Variants in DEFB104B observed in about 807,000 individuals in gnomAD.
The protein encoded by DEFB104B is defensin beta 104B.
rs372274885 is a variant in DEFB104B, at chr8:7,472,836, GT to G, written c.58+2174del. Among the ~76,000 whole-genome samples the G allele has an allele frequency of 1.3e-4, 17 of 130,540 alleles. 1 individual carries two copies. Among genetic ancestry groups the G allele is most frequent in the African/African-American group, 5.2e-4 (16 of 31,056 alleles). 85.6% of individuals were successfully genotyped at this position (130,540 alleles called of 152,430 possible). ...AATCAATACGTGTAAGATTTGCTTT[GT>G]TTTTTTTGTTTGTTTGTTTGTTTGT... On this transcript the variant is annotated intron_variant, in intron 1 of 1. Transcript: ENST00000316169.
chr8:7,473,220 G>A (rs1003460471), intron 1 of DEFB104B, among the ~76,000 whole-genome samples: 1 of 54,716 alleles, frequency 1.8e-5, no homozygotes, highest in African/African-American at 3.7e-5. Context: ...GGGGGCCTGT[G>A]GGGGTGCAGT....
At chr8:7,473,932 G>T (rs1159004141) in intron 1 of DEFB104B, among the ~76,000 whole-genome samples, 1 of 140,834 alleles carries the variant, frequency 7.1e-6, no homozygotes, top group African/African-American at 2.6e-5. Flanking sequence ...TGGGATCAAA[G>T]GTTGAAGAAA....
At chr8:7,474,488 C>T (rs1284614512) in intron 1 of DEFB104B, among the ~76,000 whole-genome samples, 3 of 141,964 alleles carry the variant, frequency 2.1e-5, no homozygotes, top group Admixed American at 7.0e-5. Context: ...CAGTAAATTA[C>T]GTTCTTGCCT....
chr8:7,471,181 C>T (rs62639764), intron 1 of DEFB104B, among the ~76,000 whole-genome samples: 133,521 of 145,682 alleles, frequency 0.92, 60,785 homozygotes, highest in East Asian at 1. Context: ...TATATATATA[C>T]ACATATATAG....
intron 1 of DEFB104B, among the ~76,000 whole-genome samples, chr8:7,472,623 C>T (rs1399701842): frequency 7.9e-6 from 1 of 127,178 alleles, no homozygotes; most frequent in African/African-American, 3.2e-5. Flanking sequence ...AAGCAATTTT[C>T]CTCCTCTGCT....
At chr8:7,471,969 A>C (rs1477124261) in intron 1 of DEFB104B, among the ~76,000 whole-genome samples, 2 of 150,964 alleles carry the variant, frequency 1.3e-5, no homozygotes, top group Non-Finnish European at 2.9e-5. Context: ...TCCAGGATGT[A>C]GGTGAGGACT....
chr8:7,472,846 TTTGTTTG>T (rs1811001649), intron 1 of DEFB104B, among the ~76,000 whole-genome samples: 1 of 114,888 alleles, frequency 8.7e-6, no homozygotes, highest in African/African-American at 4.7e-5. Context: ...GTTTTTTTTG[TTTGTTTG>T]TTTGTTTGTT....
rs559431233 is a variant in DEFB104B, at chr8:7,474,186, T to G, written c.58+825A>C. On this transcript the variant is annotated intron_variant, in intron 1 of 1. Transcript: ENST00000316169. Reference sequence around the variant, plus strand: ...GCCCCATAAAATTGACTGAGCAGCTTGGAAGAGAAGATCCGATGGCTTCTA... The same window carrying G: ...GCCCCATAAAATTGACTGAGCAGCTGGGAAGAGAAGATCCGATGGCTTCTA... 9.8e-5 allele frequency among the ~76,000 whole-genome samples: 14 copies of G among 143,278 alleles called. 2 individuals are homozygous for G. In the South Asian group the frequency reaches 2.8e-3, roughly 29 times the overall value. The allele number at this position is 143,278 out of a possible 152,430, so 94.0% of individuals were successfully genotyped here. A position where few individuals can be genotyped will look rare whatever the true frequency, so the allele number is the denominator to read the frequency against.
chr8:7,471,130 A>G (rs1213097007), intron 1 of DEFB104B, among the ~76,000 whole-genome samples: 9 of 152,002 alleles, frequency 5.9e-5, no homozygotes. Context: ...TATATCACCT[A>G]TCGCAAGTTG....
chr8:7,472,893 G>A (rs1428377717), intron 1 of DEFB104B, among the ~76,000 whole-genome samples: 1 of 121,004 alleles, frequency 8.3e-6, no homozygotes, highest in Admixed American at 8.6e-5. Context: ...GTCTTGCTCT[G>A]TCGCCTAGGG....
intron 1 of DEFB104B, among the ~76,000 whole-genome samples, chr8:7,472,019 T>C (rs1332944661): frequency 6.6e-6 from 1 of 151,580 alleles, no homozygotes; most frequent in Non-Finnish European, 1.5e-5. Flanking sequence ...GATAGGATAT[T>C]GAAGGGGTTA....
chr8:7,470,821 G>A (rs1416232392), intron 1 of DEFB104B, among the ~76,000 whole-genome samples: 2 of 121,444 alleles, frequency 1.6e-5, no homozygotes, highest in Non-Finnish European at 3.4e-5. Context: ...CAAAGCAATC[G>A]TGATCTGATC....
At chr8:7,472,448 T>C (rs1362923863) in intron 1 of DEFB104B, among the ~76,000 whole-genome samples, 2 of 138,740 alleles carry the variant, frequency 1.4e-5, no homozygotes, top group Admixed American at 1.4e-4. Context: ...CAGCAACTTA[T>C]GTGTCAAAGC....
chr8:7,471,989 T>A (rs1810964387), intron 1 of DEFB104B, among the ~76,000 whole-genome samples: 1 of 151,274 alleles, frequency 6.6e-6, no homozygotes, highest in African/African-American at 2.5e-5. Flanking sequence ...TAAAAGGCAG[T>A]TTGACCAATT....
At chr8:7,472,266 T>C (rs1489432946) in intron 1 of DEFB104B, among the ~76,000 whole-genome samples, 10 of 138,636 alleles carry the variant, frequency 7.2e-5, no homozygotes, top group Non-Finnish European at 1.1e-4. Context: ...GAGGACAGCA[T>C]GCTTGCTCAG....
intron 1 of DEFB104B, among the ~76,000 whole-genome samples, chr8:7,474,723 A>G (rs1811067756): frequency 7.2e-6 from 1 of 139,622 alleles, no homozygotes; most frequent in Non-Finnish European, 1.6e-5. Flanking sequence ...GGATTCCATG[A>G]GGAATTGTTA....
chr8:7,471,102 A>G (rs1236969329), intron 1 of DEFB104B, among the ~76,000 whole-genome samples: 8 of 152,106 alleles, frequency 5.3e-5, no homozygotes, highest in African/African-American at 1.9e-4. Flanking sequence ...TTTTCTCCCT[A>G]TGCATTTGTT....
At chr8:7,471,100 C>G (rs1372296145) in intron 1 of DEFB104B, among the ~76,000 whole-genome samples, 5 of 152,138 alleles carry the variant, frequency 3.3e-5, no homozygotes, top group Non-Finnish European at 7.3e-5. Flanking sequence ...ATTTTTCTCC[C>G]TATGCATTTG....
chr8:7,471,095 T>C (rs1706509644), intron 1 of DEFB104B, among the ~76,000 whole-genome samples: 1 of 152,154 alleles, frequency 6.6e-6, no homozygotes, highest in African/African-American at 2.4e-5. Flanking sequence ...AAAGTATTTT[T>C]CTCCCTATGC....
Sources: allele counts gnomAD v4.1 joint callset (sites outside exome capture counted in the v4.1 genomes callset), GRCh38; gene constraint gnomAD v4.1.1; transcripts MANE v1.5; gene names NCBI Gene and HGNC (gene_info 2026-07-23, HGNC 2026-07-21).